The following PARD3B variants were observed in gnomAD, a reference collection of about 807,000 sequenced individuals.
The protein encoded by PARD3B is partitioning defective 3 homolog B.
Under a neutral mutation model 130.2 loss-of-function variants are expected in PARD3B, and 103 were observed. The observed-to-expected ratio is 0.79, with a 90% CI of 0.67 to 0.93. The LOEUF is 0.93. Among genes scored for constraint, PARD3B ranks in the 40% least tolerant of loss-of-function variants. The pLI is 0.00. For synonymous variants in PARD3B, 583 were observed against 553.2 expected, an observed-to-expected ratio of 1.05 and a Z score of -0.76; for missense variants, 1,609 against 1,499.2, an observed-to-expected ratio of 1.07 and a Z score of -1.21.
chr2:205,419,038 A>G (rs1431822882), intron 19 of PARD3B, among the ~76,000 whole-genome samples: 2 of 152,216 alleles, frequency 1.3e-5, no homozygotes, highest in Non-Finnish European at 1.5e-5. Context: ...ATTCATTTGT[A>G]TATAGTACTA....
At chr2:205,382,039 C>T (rs369204157) in intron 18 of PARD3B, among the ~76,000 whole-genome samples, 7 of 152,008 alleles carry the variant, frequency 4.6e-5, no homozygotes, top group African/African-American at 9.7e-5. Context: ...TAGTGCGTAA[C>T]GATGGTACAG....
At chr2:204,802,964 T>C (rs942373085) in intron 2 of PARD3B, among the ~76,000 whole-genome samples, 1 of 150,418 alleles carries the variant, frequency 6.6e-6, no homozygotes, top group East Asian at 1.9e-4. Flanking sequence ...GTTCTGCACA[T>C]GCATCCCAGA....
At chr2:205,493,895 T>C (rs929282873) in intron 20 of PARD3B, among the ~76,000 whole-genome samples, 2 of 152,026 alleles carry the variant, frequency 1.3e-5, no homozygotes, top group African/African-American at 4.8e-5. Context: ...GTAGCTGGGA[T>C]TACAGGTGCA....
intron 1 of PARD3B, among the ~76,000 whole-genome samples, chr2:204,639,064 C>A (rs963824247): frequency 5.3e-5 from 8 of 152,182 alleles, no homozygotes; most frequent in Non-Finnish European, 8.8e-5. Flanking sequence ...ACCTACAGTA[C>A]CCTGGGAACT....
At chr2:205,004,057 G>C (rs1695059376) in intron 3 of PARD3B, among the ~76,000 whole-genome samples, 1 of 152,198 alleles carries the variant, frequency 6.6e-6, no homozygotes, top group South Asian at 2.1e-4. Context: ...AGGAGAGTTT[G>C]AGGCAGTTTC....
intron 4 of PARD3B, among the ~76,000 whole-genome samples, chr2:205,094,405 T>C (rs908585098): frequency 6.6e-6 from 1 of 152,170 alleles, no homozygotes; most frequent in Non-Finnish European, 1.5e-5. Context: ...TTTCAAGAAG[T>C]CCTTGAACTT....
intron 3 of PARD3B, among the ~76,000 whole-genome samples, chr2:205,013,112 T>C (rs1362105397): frequency 6.6e-6 from 1 of 152,208 alleles, no homozygotes; most frequent in Non-Finnish European, 1.5e-5. Flanking sequence ...TCCTCTCCCT[T>C]CTTGATTTCA....
intron 22 of PARD3B, among the ~76,000 whole-genome samples, chr2:205,579,297 T>C (rs185843265): frequency 1.5e-3 from 227 of 152,296 alleles, no homozygotes; most frequent in Middle Eastern, 6.8e-3. Flanking sequence ...AAAAAGGCTA[T>C]TGTGGCATCA....
chr2:205,352,315 G>T lies in PARD3B; in HGVS notation c.2631-48698G>T, dbSNP rs922109666. Among the ~76,000 whole-genome samples, 4 of 152,128 alleles carry T rather than the reference G, an allele frequency of 2.6e-5. No homozygotes were observed. Among genetic ancestry groups the T allele is most frequent in the African/African-American group, 9.7e-5 (4 of 41,428 alleles). ...CAGTTATGGATTATCTTTGCTGGCTGGATATTTATTTCAGATTTTTGTGGT... is the reference window on the plus strand; with the variant it reads ...CAGTTATGGATTATCTTTGCTGGCTTGATATTTATTTCAGATTTTTGTGGT... On this transcript the variant is annotated intron_variant, in intron 18 of 22. Coordinates refer to ENST00000406610, the MANE Select transcript of PARD3B (RefSeq NM_001302769.2). The surrounding 1 kb of genome is among the most constrained non-coding windows in gnomAD (Gnocchi z 5.2).
chr2:205,183,730 T>TTTTG lies in PARD3B; in HGVS notation c.1925-2033_1925-2032insTTGT, dbSNP rs1553634032. ...GGTTCTGCAGAGAAACAGAACCAAG[T>TTTTG]TGTGTGTGTGTGTGTGTGTGTGTGT... is the stretch of plus-strand genomic sequence containing the variant. On this transcript the variant is annotated intron_variant, in intron 13 of 22. Transcript: ENST00000406610. The surrounding 1 kb of genome is among the most constrained non-coding windows in gnomAD (Gnocchi z 5.2). Among the ~76,000 whole-genome samples the TTTTG allele has an allele frequency of 2.9e-5, 4 of 138,160 alleles. No individual in the cohort carries two copies. The highest frequency in any genetic ancestry group is 4.7e-5 in the Non-Finnish European group (3 of 64,184). The allele number at this position is 138,160 out of a possible 152,430, so 90.6% of individuals were successfully genotyped here.
chr2:205,588,525 G>A (rs2054276682), intron 22 of PARD3B, among the ~76,000 whole-genome samples: 1 of 151,872 alleles, frequency 6.6e-6, no homozygotes, highest in Non-Finnish European at 1.5e-5. Flanking sequence ...GCGTGCATGT[G>A]TGTGTGCGTG....
chr2:204,872,213 T>C (rs2045654836), intron 2 of PARD3B, among the ~76,000 whole-genome samples: 1 of 152,068 alleles, frequency 6.6e-6, no homozygotes, highest in Admixed American at 6.6e-5. Flanking sequence ...GCAATTGTTT[T>C]AGGACTTATC....
intron 20 of PARD3B, among the ~76,000 whole-genome samples, chr2:205,490,055 A>T (rs2049632731): frequency 6.6e-6 from 1 of 152,140 alleles, no homozygotes; most frequent in Non-Finnish European, 1.5e-5. Flanking sequence ...GCTGTGGTTC[A>T]TGGTGTGTGT....
chr2:205,542,672 G>T (rs756055725), intron 21 of PARD3B, among the ~76,000 whole-genome samples: 3 of 152,086 alleles, frequency 2.0e-5, no homozygotes, highest in Non-Finnish European at 4.4e-5. Flanking sequence ...AACAGTAGTT[G>T]TGTGCTCAGT....
intron 1 of PARD3B, among the ~76,000 whole-genome samples, chr2:204,585,777 A>G (rs1177699151): frequency 2.6e-5 from 4 of 152,036 alleles, no homozygotes; most frequent in Non-Finnish European, 5.9e-5. Flanking sequence ...CCCATTCAAC[A>G]TGTTTACATT....
chr2:204,881,739 A>C (rs140374087), intron 2 of PARD3B, among the ~76,000 whole-genome samples: 1,567 of 152,312 alleles, frequency 0.01, 21 homozygotes, highest in African/African-American at 0.035. Flanking sequence ...GTAGTGGGAA[A>C]GGAGTAACAG....
Position 205,217,808 on chromosome 2 carries a change from GTATA to G in PARD3B, c.2140+24492_2140+24495del, listed in dbSNP as rs567205681. On this transcript the variant is annotated intron_variant, in intron 15 of 22. Transcript: ENST00000406610. ...TATATGTGTGCATGTATATATGTGT[GTATA>G]TATGTATATGTGTGTGTATATATGT... is the stretch of plus-strand genomic sequence containing the variant. Among the ~76,000 whole-genome samples, 317 of 56,576 alleles carry G rather than the reference GTATA, an allele frequency of 5.6e-3. 3 individuals carry two copies. The Middle Eastern group carries it at 0.066, about 12-fold the overall frequency. The allele number at this position is 56,576 out of a possible 152,430, so 37.1% of individuals were successfully genotyped here. A position where few individuals can be genotyped will look rare whatever the true frequency, so the allele number is the denominator to read the frequency against.
At chr2:204,600,962 G>C (rs150249103) in intron 1 of PARD3B, among the ~76,000 whole-genome samples, 1 of 151,726 alleles carries the variant, frequency 6.6e-6, no homozygotes, top group Non-Finnish European at 1.5e-5. Flanking sequence ...TATTATGGAT[G>C]AACTTGGGGA....
intron 22 of PARD3B, among the ~76,000 whole-genome samples, chr2:205,595,104 T>A (rs2054521372): frequency 6.6e-6 from 1 of 152,064 alleles, no homozygotes; most frequent in Non-Finnish European, 1.5e-5. Context: ...CATGAGGTTA[T>A]TGAGGCTCAG....
Sources: gnomAD v4.1 joint callset for allele counts (sites outside exome capture counted in the v4.1 genomes callset) on GRCh38, gnomAD v4.1.1 for gene constraint, Gnocchi (gnomAD v3.1) non-coding constraint, MANE v1.5 for transcripts, NCBI Gene and HGNC (gene_info 2026-07-23, HGNC 2026-07-21) for gene names.